RBFOX1: variants seen among roughly 807,000 people sequenced by gnomAD.
RBFOX1 encodes the protein RNA binding fox-1 homolog 1.
A neutral mutation model predicts 57.7 loss-of-function variants in RBFOX1; 8 were observed. The observed-to-expected ratio is 0.14, with a 90% confidence interval of 0.08 to 0.25. The LOEUF is 0.25. Ranked by LOEUF, RBFOX1 falls within the 10% of genes least tolerant of loss-of-function variation. RBFOX1 has a pLI of 1.00. For missense variants in RBFOX1, 611 were observed against 548.5 expected, an observed-to-expected ratio of 1.11 and a Z score of -1.14; for synonymous variants, 326 against 222.4, an observed-to-expected ratio of 1.47 and a Z score of -4.15.
intron 2 of RBFOX1, among the ~76,000 whole-genome samples, chr16:6,643,850 G>C (rs1484533673): frequency 6.6e-6 from 1 of 151,880 alleles, no homozygotes; most frequent in South Asian, 2.1e-4. Context: ...ATAAGGCTGA[G>C]CACGCTGGGT....
chr16:5,977,954 A>T (rs2060098443), intron 4 of RBFOX1, among the ~76,000 whole-genome samples: 1 of 151,948 alleles, frequency 6.6e-6, no homozygotes, highest in Non-Finnish European at 1.5e-5. Context: ...AGACATTGCC[A>T]TGCTGGCTTC....
intron 1 of RBFOX1, among the ~76,000 whole-genome samples, chr16:6,134,445 G>A (rs539243304): frequency 1.5e-4 from 23 of 152,194 alleles, no homozygotes; most frequent in Non-Finnish European, 3.2e-4. Flanking sequence ...TGAATGTCTT[G>A]TTAGGGGTAT....
intron 4 of RBFOX1, among the ~76,000 whole-genome samples, chr16:7,099,013 G>C (rs147581730): frequency 2.0e-5 from 3 of 152,142 alleles, no homozygotes; most frequent in Non-Finnish European, 2.9e-5. Flanking sequence ...TGGTGGGTCA[G>C]TGTCCAAACT....
intron 4 of RBFOX1, among the ~76,000 whole-genome samples, chr16:7,235,715 T>C (rs769031510): frequency 3.9e-5 from 6 of 152,208 alleles, no homozygotes; most frequent in Admixed American, 6.5e-5. Context: ...TTGTCTCTTT[T>C]TTCCTGCCTT....
chr16:7,130,539 G>A lies in RBFOX1; in HGVS notation c.27+78441G>A, dbSNP rs568623990. 1.2e-4 allele frequency among the ~76,000 whole-genome samples: 18 copies of A among 152,272 alleles called. No individual in the cohort carries two copies. In the South Asian group the frequency reaches 3.7e-3, roughly 32 times the overall value. ...CTGACCCAGAGAGAGTGCACTGCAA[G>A]TATATTCTGAATGATGGAGTGAAAC... is the stretch of plus-strand genomic sequence containing the variant. On this transcript the variant is annotated intron_variant, in intron 4 of 15. Coordinates refer to ENST00000550418, the MANE Select transcript of RBFOX1 (RefSeq NM_018723.4).
chr16:6,034,348 A>AAAG (rs2095334151), intron 1 of RBFOX1, among the ~76,000 whole-genome samples: 1 of 142,424 alleles, frequency 7.0e-6, no homozygotes, highest in South Asian at 2.3e-4. Context: ...AAAAAAAAAA[A>AAAG]AAAAAAAAAG....
chr16:6,441,001 C>G (rs2094366502), intron 2 of RBFOX1, among the ~76,000 whole-genome samples: 1 of 151,958 alleles, frequency 6.6e-6, no homozygotes, highest in East Asian at 1.9e-4. Flanking sequence ...GAGTTGGAAG[C>G]AAACATGATT....
chr16:6,232,992 A>G (rs577419990), intron 1 of RBFOX1, among the ~76,000 whole-genome samples: 15 of 152,272 alleles, frequency 9.9e-5, no homozygotes, highest in Admixed American at 9.2e-4. Context: ...GTGTAAACCC[A>G]TGGAGCGCCA....
intron 13 of RBFOX1, chr16:7,671,665 T>A: frequency 2.8e-6 from 4 of 1,405,534 alleles, no homozygotes; most frequent in Non-Finnish European, 4.0e-6. Context: ...AAATCCTTAC[T>A]AACAAGATAA....
At chr16:5,550,970 A>G (rs2045439019) in intron 2 of RBFOX1, among the ~76,000 whole-genome samples, 1 of 152,144 alleles carries the variant, frequency 6.6e-6, no homozygotes, top group South Asian at 2.1e-4. Context: ...AGCCTTGAGA[A>G]GGATCCAACT....
At chr16:7,134,981 C>G (rs1383878727) in intron 4 of RBFOX1, among the ~76,000 whole-genome samples, 1 of 150,652 alleles carries the variant, frequency 6.6e-6, no homozygotes, top group Non-Finnish European at 1.5e-5. Context: ...GATGAATTAT[C>G]CAATCTTTGC....
chr16:5,255,366 A>ATCCC (rs1360403922), intron 1 of RBFOX1, among the ~76,000 whole-genome samples: 1 of 147,374 alleles, frequency 6.8e-6, no homozygotes, highest in Non-Finnish European at 1.5e-5. Context: ...CCATCCATCC[A>ATCCC]TCCATCCATC....
At chr16:7,545,510 G>A (rs977277474) in intron 5 of RBFOX1, among the ~76,000 whole-genome samples, 23 of 152,104 alleles carry the variant, frequency 1.5e-4, no homozygotes, top group African/African-American at 4.8e-4. Context: ...TTCACAAGCC[G>A]CTAGCTGTGT....
chr16:7,641,168 C>A (rs1000815828), intron 11 of RBFOX1, among the ~76,000 whole-genome samples: 2 of 152,140 alleles, frequency 1.3e-5, no homozygotes, highest in African/African-American at 4.8e-5. Flanking sequence ...ATCATTCTTT[C>A]ATCAAATACC....
intron 3 of RBFOX1, among the ~76,000 whole-genome samples, chr16:5,818,671 G>T (rs2055734862): frequency 6.6e-6 from 1 of 152,198 alleles, no homozygotes; most frequent in South Asian, 2.1e-4. Context: ...GTCAGCATGG[G>T]AGGAAGAAAA....
At chr16:5,582,946 C>T (rs570264301) in intron 2 of RBFOX1, among the ~76,000 whole-genome samples, 1 of 152,110 alleles carries the variant, frequency 6.6e-6, no homozygotes, top group Non-Finnish European at 1.5e-5. Context: ...GTTGAGCACT[C>T]GGGAGCCAGG....
intron 4 of RBFOX1, among the ~76,000 whole-genome samples, chr16:7,375,750 T>C (rs1189082188): frequency 6.6e-6 from 1 of 152,156 alleles, no homozygotes; most frequent in East Asian, 1.9e-4. Flanking sequence ...AAATGAATGA[T>C]TTTTCTGGGT....
chr16:7,692,994 G>A (rs568906805), intron 14 of RBFOX1, among the ~76,000 whole-genome samples: 23 of 151,962 alleles, frequency 1.5e-4, no homozygotes, highest in African/African-American at 5.6e-4. Context: ...AATCTCTTTA[G>A]CATAGAAAGT....
rs111367837 is a variant in RBFOX1 at position 6,442,555 on chromosome 16, T to TA, written c.-64+125508dup. On this transcript the variant is annotated intron_variant, in intron 2 of 15. Transcript: ENST00000550418. ...CTGGGAGAAAGCAAGCCTCAGAAAA[T>TA]AAAAAAAAAAGAAAAGAAAAAAAAA... Among the ~76,000 whole-genome samples, 547 of 132,734 alleles carry TA rather than the reference T, an allele frequency of 4.1e-3. 3 individuals carry two copies. The highest frequency in any genetic ancestry group is 0.013 in the African/African-American group (418 of 32,990). The allele number at this position is 132,734 out of a possible 152,430, so 87.1% of individuals were successfully genotyped here.
Sources: gnomAD v4.1 joint callset for allele counts (sites outside exome capture counted in the v4.1 genomes callset) on GRCh38, gnomAD v4.1.1 for gene constraint, MANE v1.5 for transcripts, NCBI Gene and HGNC (gene_info 2026-07-23, HGNC 2026-07-21) for gene names.